GNE: variants seen among roughly 807,000 people sequenced by gnomAD.
The protein encoded by GNE is glucosamine (UDP-N-acetyl)-2-epimerase/N-acetylmannosamine kinase, also known as bifunctional UDP-N-acetylglucosamine 2-epimerase/N-acetylmannosamine kinase.
GNE carries 41 observed loss-of-function variants against 61.8 expected under a neutral mutation model. That is an observed-to-expected ratio of 0.66 (90% CI 0.52 to 0.86). GNE has a LOEUF of 0.86. Ranked by LOEUF, GNE falls within the 40% of genes least tolerant of loss-of-function variation. The probability of loss-of-function intolerance (pLI) is 0.00; values close to 1 mark genes in which losing one functional copy is unlikely to be tolerated. For missense variants in GNE, 608 were observed against 909.1 expected (o/e 0.67, Z 4.26); for synonymous variants, 264 against 326.4 (o/e 0.81, Z 2.06).
intron 1 of GNE, among the ~76,000 whole-genome samples, chr9:36,257,504 C>T (rs1027668111): frequency 6.6e-6 from 1 of 151,570 alleles, no homozygotes; most frequent in African/African-American, 2.4e-5. Context: ...ATTTTACAAG[C>T]GTAAAACTGG....
In GNE at chr9:36,227,271, G is replaced by A. The variant is rs747199032; in HGVS notation, c.1258C>T (p.Arg420Ter). ...LAVDLGGTNL[R>*]VAIVSMKGEI... is the part of the protein sequence containing the mutation. ...ACCTTCATGCTGACTATTGCAACTC[G>A]GAGGTTCGTCCCGCCAAGATCAACG... Residue 420 changes from arginine to a stop codon, truncating the protein, a stop_gained, in exon 7 of 12, where the codon CGA becomes TGA. Transcript: ENST00000642385. LOFTEE classifies it high-confidence loss of function. The A allele has an allele frequency of 9.9e-6, 16 of 1,612,138 alleles. No homozygotes were observed. The highest frequency in any genetic ancestry group is 1.3e-5 in the African/African-American group (1 of 74,868).
intron 10 of GNE, among the ~76,000 whole-genome samples, chr9:36,219,460 T>A (rs1828485612): frequency 6.6e-6 from 1 of 152,240 alleles, no homozygotes; most frequent in African/African-American, 2.4e-5. Context: ...TTTTTATGTA[T>A]GAAGCACAGA....
chr9:36,231,129 AAGAAG>A (rs1829138360), intron 5 of GNE, among the ~76,000 whole-genome samples: 1 of 151,726 alleles, frequency 6.6e-6, no homozygotes, highest in African/African-American at 2.4e-5. Context: ...AAGACAATGA[AAGAAG>A]GAAGGAAGGA....
At chr9:36,228,684 C>T (rs1281609474) in intron 6 of GNE, among the ~76,000 whole-genome samples, 1 of 148,710 alleles carries the variant, frequency 6.7e-6, no homozygotes, top group Non-Finnish European at 1.5e-5. Context: ...ATCCCAGCTA[C>T]TTGGGAGGCT....
chr9:36,257,358 C>T (rs1373465188), intron 1 of GNE, among the ~76,000 whole-genome samples: 2 of 152,066 alleles, frequency 1.3e-5, no homozygotes, highest in Non-Finnish European at 2.9e-5. Flanking sequence ...AAGTCAGGGC[C>T]CCATTCCGAC....
rs756313015 is a variant in GNE, at chr9:36,218,148, C to T, written c.1933+35G>A. On this transcript the variant is annotated intron_variant, in intron 11 of 11. Transcript: ENST00000642385. This position sits in a 1 kb window ranked among gnomAD's most constrained non-coding sequence, Gnocchi z 4.1. ...GGGCCATATGATATCTGAGGCCACC[C>T]CCTGCAGCACAGCCACCTGCAGCCA... 4 of 1,413,802 alleles carry T rather than the reference C, an allele frequency of 2.8e-6. No individual in the cohort carries two copies. The highest frequency in any genetic ancestry group is 1.7e-5 in the Admixed American group (1 of 59,766). The allele number at this position is 1,413,802 out of a possible 1,614,324, so 87.6% of individuals were successfully genotyped here.
At chr9:36,267,117 A>G (rs1830832285) in intron 1 of GNE, among the ~76,000 whole-genome samples, 1 of 152,232 alleles carries the variant, frequency 6.6e-6, no homozygotes, top group Non-Finnish European at 1.5e-5. Flanking sequence ...CCTAAACTGT[A>G]TCAGCTTAAG....
chr9:36,223,423 A>T lies in GNE; in HGVS notation c.1361T>A (p.Val454Glu). 6.2e-7 allele frequency: 1 copy of T among 1,612,926 alleles called. No individual in the cohort carries two copies. Among genetic ancestry groups the T allele is most frequent in the Non-Finnish European group, 8.5e-7 (1 of 1,178,888 alleles). The change falls in exon 8 of 12, where the codon GTG becomes GAG. Residue 454 changes from valine (V) to glutamate (E), a missense_variant. Physicochemically the swap from Val to Glu is moderately radical, Grantham distance 121. Coordinates refer to ENST00000642385, the MANE Select transcript of GNE (RefSeq NM_005476.7). ...TTTTACAGCTTCTGCTGCAGCTTCCACACACATCTGTAGGATTAAATTAAT... is the reference window on the plus strand; with the variant it reads ...TTTTACAGCTTCTGCTGCAGCTTCCTCACACATCTGTAGGATTAAATTAAT... ...ERINLILQMCVEAAAEAVKLN... is the reference protein window; with the variant it reads ...ERINLILQMCEEAAAEAVKLN...
intron 1 of GNE, among the ~76,000 whole-genome samples, chr9:36,266,893 C>T (rs983556368): frequency 6.6e-6 from 1 of 150,998 alleles, no homozygotes; most frequent in African/African-American, 2.4e-5. Flanking sequence ...AGTAAGACTC[C>T]GTCTCAAAAA....
chr9:36,215,151 C>G lies in GNE; in HGVS notation c.*2214G>C, dbSNP rs1388757638. 1 of 151,812 alleles carries G rather than the reference C, an allele frequency of 6.6e-6. No homozygotes were observed. The highest frequency in any genetic ancestry group is 2.4e-5 in the African/African-American group (1 of 41,330). The allele number at this position is 151,812 out of a possible 1,614,324, so 9.4% of individuals were successfully genotyped here. ...ACCAGCCTGGCCAACATGGTGAAAC[C>G]CTGTCTACTAAAAATACAAAAAAAA... On this transcript the variant is annotated 3_prime_UTR_variant, in exon 12 of 12. Coordinates refer to ENST00000642385, the MANE Select transcript of GNE (RefSeq NM_005476.7).
At chr9:36,265,153 G>T in intron 1 of GNE, 1 of 302,888 alleles carries the variant, frequency 3.3e-6, no homozygotes, top group South Asian at 3.0e-5. Context: ...CGTTGTTCCT[G>T]CACGGCAAGT....
At chr9:36,259,895 T>C (rs1258702831), upstream of GNE, among the ~76,000 whole-genome samples, 9 of 152,038 alleles carry the variant, frequency 5.9e-5, no homozygotes, top group African/African-American at 2.2e-4. Context: ...CTCCCGACCT[T>C]AGGTGATCCG....
chr9:36,267,249 A>G (rs1830838001), intron 1 of GNE, among the ~76,000 whole-genome samples: 2 of 152,184 alleles, frequency 1.3e-5, no homozygotes, highest in African/African-American at 4.8e-5. Flanking sequence ...TGTAGCCCCA[A>G]TTACGAATCA....
chr9:36,219,336 A>G (rs1284982090), intron 10 of GNE, among the ~76,000 whole-genome samples: 4 of 151,366 alleles, frequency 2.6e-5, no homozygotes, highest in African/African-American at 9.7e-5. Context: ...CCTCTTCAGA[A>G]CCCTACTGTA....
chr9:36,239,479 T>C (rs576445334), intron 3 of GNE, among the ~76,000 whole-genome samples: 39 of 152,122 alleles, frequency 2.6e-4, no homozygotes, highest in African/African-American at 9.2e-4. Flanking sequence ...TTCTCTCTTT[T>C]TTTTTTCTTT....
chr9:36,218,380 C>G lies in GNE; in HGVS notation c.1817-81G>C, dbSNP rs2296817. 0.18 allele frequency: 170,463 copies of G among 943,696 alleles called. 16,929 individuals carry two copies. The highest frequency in any genetic ancestry group is 0.21 in the Non-Finnish European group (117,928 of 573,308). The allele number at this position is 943,696 out of a possible 1,614,324, so 58.5% of individuals were successfully genotyped here. A position where few individuals can be genotyped will look rare whatever the true frequency, so the allele number is the denominator to read the frequency against. On this transcript the variant is annotated intron_variant, in intron 10 of 11. Coordinates refer to ENST00000642385, the MANE Select transcript of GNE (RefSeq NM_005476.7). The surrounding 1 kb of genome is among the most constrained non-coding windows in gnomAD (Gnocchi z 4.1). Reference sequence around the variant, plus strand: ...CACCACTGGGCCTGTGGAAAGCAAGCCCCTACATGGGAAGACGGTGTTTTC... The same window carrying G: ...CACCACTGGGCCTGTGGAAAGCAAGGCCCTACATGGGAAGACGGTGTTTTC...
At chr9:36,257,839 T>TAAAAAAAAAAAAAAAAA (rs1830445148) in intron 1 of GNE, among the ~76,000 whole-genome samples, 1 of 95,902 alleles carries the variant, frequency 1.0e-5, no homozygotes, top group African/African-American at 4.9e-5. Flanking sequence ...AAAAAAAAAT[T>TAAAAAAAAAAAAAAAAA]GGGGTGAGGG....
At chr9:36,265,477 A>G (rs1473001142) in intron 1 of GNE, 4 of 456,526 alleles carry the variant, frequency 8.8e-6, no homozygotes, top group Non-Finnish European at 1.8e-5. Context: ...GCCCTAAGCC[A>G]ATATCATGAA....
intron 5 of GNE, among the ~76,000 whole-genome samples, chr9:36,233,320 A>G (rs993984884): frequency 1.3e-5 from 2 of 152,248 alleles, no homozygotes; most frequent in Non-Finnish European, 2.9e-5. Flanking sequence ...TCATATATTC[A>G]TGAAACATTC....
Sources: gnomAD v4.1 joint callset for allele counts (sites outside exome capture counted in the v4.1 genomes callset) on GRCh38, gnomAD v4.1.1 for gene constraint, Gnocchi (gnomAD v3.1) non-coding constraint, MANE v1.5 for transcripts, NCBI Gene and HGNC (gene_info 2026-07-23, HGNC 2026-07-21) for gene names.